The following MIDEAS variants were observed in gnomAD, a reference collection of about 807,000 sequenced individuals.
The protein encoded by MIDEAS is mitotic deacetylase associated SANT domain protein, also known as mitotic deacetylase-associated SANT domain protein.
In MIDEAS, 26 loss-of-function variants were observed where a neutral mutation model predicts 102.7. The observed-to-expected ratio is 0.25, with a 90% CI of 0.19 to 0.35. The LOEUF is 0.35. MIDEAS is among the 10% of genes least tolerant of loss of function. The probability of loss-of-function intolerance (pLI) is 1.00; values close to 1 mark genes in which losing one functional copy is unlikely to be tolerated. For missense variants in MIDEAS, 1,231 were observed against 1,435.6 expected, an observed-to-expected ratio of 0.86 and a Z score of 2.30; for synonymous variants, 585 against 591.0, an observed-to-expected ratio of 0.99 and a Z score of 0.15.
intron 10 of MIDEAS, 159 bp downstream of exon 10, chr14:73,722,539 G>A (rs1162745623): frequency 6.9e-6 from 5 of 725,468 alleles, no homozygotes; most frequent in Non-Finnish European, 9.0e-6. Context: ...ATAGAGAGGA[G>A]AACCCAGCGG....
At position 73,737,017 on chromosome 14, in the gene MIDEAS, C is replaced by A; in HGVS notation, c.1730G>T (p.Gly577Val). 1 of 1,613,170 alleles carries A rather than the reference C, an allele frequency of 6.2e-7. No homozygotes were observed. Among genetic ancestry groups the A allele is most frequent in the South Asian group, 1.1e-5 (1 of 91,054 alleles). The stretch of plus-strand genomic sequence containing the variant: ...TCATACCTGAGCTTGAGCATCTGTC[C>A]CGGGGATTCGGGTGGACCGCCTGCG... ...VTRRRSTRIP[G>V]TDAQAQAEDM... The change falls in exon 3 of 13, where the codon GGG becomes GTG. Residue 577 changes from glycine (G) to valine (V), a missense_variant. This residue lies in a region of MIDEAS where 758 missense variants were observed against 856.0 expected (regional missense o/e 0.89). Transcript: ENST00000423556.
intron 1 of MIDEAS, among the ~76,000 whole-genome samples, chr14:73,780,064 T>A (rs1385754604): frequency 7.1e-6 from 1 of 140,434 alleles, no homozygotes; most frequent in South Asian, 2.3e-4. Context: ...TTAGTAGAGA[T>A]GGGGTTTCAC....
chr14:73,719,813 T>A, intron 11 of MIDEAS, among the ~76,000 whole-genome samples: 1 of 94,950 alleles, frequency 1.1e-5, no homozygotes, highest in Admixed American at 1.2e-4. Flanking sequence ...GTTGATGTTT[T>A]CTGTCATTTA....
rs148804472 is a variant in MIDEAS at position 73,722,744 on chromosome 14, G to C, written c.2678C>G (p.Thr893Arg). ...TTCCTGGGCCGACTTCTCATCGCTC[G>C]TATCCACATCCCCAAAGGTTAGAGT... is the stretch of plus-strand genomic sequence containing the variant. ...NGTLTFGDVDTSDEKSAQEEV... is the reference protein window; with the variant it reads ...NGTLTFGDVDRSDEKSAQEEV... The change falls in exon 10 of 13, where the codon ACG (threonine) becomes AGG (arginine). Residue 893 changes from threonine to arginine, a missense_variant. Around this residue, in one of 5 missense-constraint regions of MIDEAS, gnomAD observed 391 missense variants for 483.0 expected, o/e 0.81. Transcript: ENST00000423556. 1 of 1,614,002 alleles carries C rather than the reference G, an allele frequency of 6.2e-7. No homozygotes were observed. The highest frequency in any genetic ancestry group is 8.5e-7 in the Non-Finnish European group (1 of 1,180,006).
In MIDEAS at chr14:73,738,701, T is replaced by C. The variant is rs2053237077; in HGVS notation, c.1308A>G (p.Ala436=). Residue 436 remains alanine (A), a synonymous_variant, in exon 2 of 13, where the codon GCA becomes GCG. Transcript: ENST00000423556. ...CCTGCCCACAGTCCCCTGTGCTCAC[T>C]GCCCTCATGCCCTCCTCGCTGCCCA... ...PAMGSEEGMR[A]VSTGDCGQVL... 2 of 1,613,664 alleles carry C rather than the reference T, an allele frequency of 1.2e-6. No individual in the cohort carries two copies. Among genetic ancestry groups the C allele is most frequent in the Non-Finnish European group, 1.7e-6 (2 of 1,179,832 alleles).
chr14:73,731,447 C>T (rs2053138097), intron 3 of MIDEAS, among the ~76,000 whole-genome samples: 3 of 152,044 alleles, frequency 2.0e-5, no homozygotes, highest in Admixed American at 6.6e-5. Flanking sequence ...CGTTCTTCTT[C>T]CCTTAGGAAA....
rs781111173 is a variant in MIDEAS, at chr14:73,739,334, C to T, written c.675G>A (p.Val225=). Reference sequence around the variant, plus strand: ...GGCCCTGCCGGAAGACCTGCCGGTTCACCTGGTGGCCGAATGCCAGCTGGA... The same window carrying T: ...GGCCCTGCCGGAAGACCTGCCGGTTTACCTGGTGGCCGAATGCCAGCTGGA... ...QPFQLAFGHQ[V]NRQVFRQGPP... Residue 225 remains valine (V), a synonymous_variant, in exon 2 of 13, where the codon GTG becomes GTA. Coordinates refer to ENST00000423556, the MANE Select transcript of MIDEAS (RefSeq NM_001367710.1). 2.5e-6 allele frequency: 4 copies of T among 1,606,262 alleles called. No individual in the cohort carries two copies. Among genetic ancestry groups the T allele is most frequent in the Non-Finnish European group, 2.6e-6 (3 of 1,175,538 alleles).
In MIDEAS at chr14:73,779,568, T is replaced by TTG. The variant is rs1555346267; in HGVS notation, c.-248+7533_-248+7534insCA. Reference sequence around the variant, plus strand: ...TTTTTTAATTTGTTTATTATTATTATTATTATTTTTTTTTTTTTTTGAGAC... The same window carrying TTG: ...TTTTTTAATTTGTTTATTATTATTATTGTATTATTTTTTTTTTTTTTTGAGAC... On this transcript the variant is annotated intron_variant, in intron 1 of 11. Coordinates refer to the MIDEAS transcript ENST00000394071. Among the ~76,000 whole-genome samples, 38 of 81,096 alleles carry TTG rather than the reference T, an allele frequency of 4.7e-4. 1 individual carries two copies. The highest frequency in any genetic ancestry group is 1.4e-4 in the Non-Finnish European group (6 of 43,006). 53.2% of individuals were successfully genotyped at this position (81,096 alleles called of 152,430 possible). A position where few individuals can be genotyped will look rare whatever the true frequency, so the allele number is the denominator to read the frequency against.
chr14:73,771,477 C>A (rs1308335563), intron 1 of MIDEAS, among the ~76,000 whole-genome samples: 1 of 152,296 alleles, frequency 6.6e-6, no homozygotes, highest in East Asian at 1.9e-4. Context: ...ACGGGATGAT[C>A]ATGGACCCTC....
Position 73,725,373 on chromosome 14 carries a change from G to C in MIDEAS, c.2486-13C>G. On this transcript the variant is annotated splice_polypyrimidine_tract_variant and intron_variant, in intron 8 of 12. Transcript: ENST00000423556. The surrounding 1 kb of genome is among the most constrained non-coding windows in gnomAD (Gnocchi z 4.1). ...CACTGGTCAGAGCCTATGGGGCAAA[G>C]AGGCAGCCAGGGAGTGAGGTGGGCA... The C allele has an allele frequency of 6.2e-7, 1 of 1,613,090 alleles. No homozygotes were observed. The highest frequency in any genetic ancestry group is 8.5e-7 in the Non-Finnish European group (1 of 1,179,150).
In MIDEAS at chr14:73,729,814, C is replaced by G. The variant is rs2053113917; in HGVS notation, c.1921G>C (p.Ala641Pro). Residue 641 changes from alanine to proline, a missense_variant, in exon 4 of 13, where the codon GCT becomes CCT. Ala to Pro is a conservative substitution (Grantham distance 27). Coordinates refer to ENST00000423556, the MANE Select transcript of MIDEAS (RefSeq NM_001367710.1). ...QSHLRSPVRL[A>P]DHPSERSFEL... ...AAGCTCCGCTCAGAGGGGTGGTCAGCTAGGCGCACGGGAGAGCGCAGGTGG... is the reference window on the plus strand; with the variant it reads ...AAGCTCCGCTCAGAGGGGTGGTCAGGTAGGCGCACGGGAGAGCGCAGGTGG... 3 of 1,613,172 alleles carry G rather than the reference C, an allele frequency of 1.9e-6. No homozygotes were observed. Among genetic ancestry groups the G allele is most frequent in the African/African-American group, 2.7e-5 (2 of 74,650 alleles).
intron 1 of MIDEAS, among the ~76,000 whole-genome samples, chr14:73,780,440 T>C (rs963817710): frequency 1.3e-5 from 2 of 152,242 alleles, no homozygotes; most frequent in Non-Finnish European, 1.5e-5. Context: ...GTAACAGTAG[T>C]GACCTTCCCC....
At chr14:73,749,125 C>A (rs1404159254) in intron 1 of MIDEAS, among the ~76,000 whole-genome samples, 1 of 152,082 alleles carries the variant, frequency 6.6e-6, no homozygotes, top group African/African-American at 2.4e-5. Context: ...ACCAATTAGA[C>A]CTGGAAGACC....
At chr14:73,752,918 C>T (rs917293234) in intron 1 of MIDEAS, among the ~76,000 whole-genome samples, 5 of 152,242 alleles carry the variant, frequency 3.3e-5, no homozygotes, top group African/African-American at 1.2e-4. Context: ...TCTCTGGGAC[C>T]TGGGCCAAGC....
At chr14:73,763,125 CAGG>C (rs2053566843), upstream of MIDEAS, among the ~76,000 whole-genome samples, 1 of 152,060 alleles carries the variant, frequency 6.6e-6, no homozygotes, top group Admixed American at 6.6e-5. Context: ...TGCTTGAGCG[CAGG>C]AGTTTAGAGA....
At chr14:73,772,790 T>C (rs545426484) in intron 1 of MIDEAS, among the ~76,000 whole-genome samples, 1 of 137,234 alleles carries the variant, frequency 7.3e-6, no homozygotes, top group Non-Finnish European at 1.6e-5. Context: ...CAGCTTCAAG[T>C]TCTAGTGTGT....
At chr14:73,780,786 T>C (rs1244594864) in intron 1 of MIDEAS, among the ~76,000 whole-genome samples, 1 of 152,230 alleles carries the variant, frequency 6.6e-6, no homozygotes, top group Non-Finnish European at 1.5e-5. Flanking sequence ...GTAATCTTGT[T>C]GGCCAACTGA....
Position 73,743,603 on chromosome 14 carries a change from C to T in MIDEAS, c.-247-3348G>A, listed in dbSNP as rs547843615. 1.1e-4 allele frequency among the ~76,000 whole-genome samples: 16 copies of T among 152,228 alleles called. No homozygotes were observed. In the East Asian group the frequency reaches 2.7e-3, roughly 26 times the overall value. ...ATTTCTTCTACCCCACCCCCGCTGC[C>T]CTGTCCCTCAGATGGAAATCAAACT... On this transcript the variant is annotated intron_variant, in intron 1 of 12. Transcript: ENST00000423556.
chr14:73,727,042 G>C, intron 5 of MIDEAS, 70 bp from the exon 6 acceptor site: 4 of 1,523,680 alleles, frequency 2.6e-6, no homozygotes, highest in Non-Finnish European at 3.5e-6. Flanking sequence ...GATCCCTCAG[G>C]GTGGGAAGAA....
Sources: allele counts gnomAD v4.1 joint callset (sites outside exome capture counted in the v4.1 genomes callset), GRCh38; gene constraint gnomAD v4.1.1; regional missense constraint gnomAD v4.1.1; non-coding constraint Gnocchi (gnomAD v3.1); transcripts MANE v1.5; gene names NCBI Gene and HGNC (gene_info 2026-07-23, HGNC 2026-07-21).